HEPACAM: variants seen among roughly 807,000 people sequenced by gnomAD.
HEPACAM encodes hepatocyte cell adhesion molecule.
Under a neutral mutation model 38.3 loss-of-function variants are expected in HEPACAM, and 18 were observed. That is an observed-to-expected ratio of 0.47 (90% CI 0.33 to 0.70). HEPACAM has a LOEUF of 0.70. Ranked by LOEUF, HEPACAM falls within the 30% of genes least tolerant of loss-of-function variation. The pLI is 0.03. For missense variants in HEPACAM, 466 were observed against 563.0 expected, an observed-to-expected ratio of 0.83 and a Z score of 1.74; for synonymous variants, 216 against 243.1, an observed-to-expected ratio of 0.89 and a Z score of 1.04.
intron 1 of HEPACAM, among the ~76,000 whole-genome samples, chr11:124,935,043 A>T (rs1456462782): frequency 6.6e-6 from 1 of 151,310 alleles, no homozygotes; most frequent in Non-Finnish European, 1.5e-5. Flanking sequence ...ACCCACTTAT[A>T]CTCCTACCTT....
At chr11:124,923,561 G>A (rs1418020396) in intron 3 of HEPACAM, 128 bp from the exon 4 acceptor site, 4 of 1,097,674 alleles carry the variant, frequency 3.6e-6, no homozygotes, top group Non-Finnish European at 5.5e-6. Context: ...TGCTGGTGGT[G>A]GAGCTTGTAC....
At chr11:124,929,894 G>T (rs754453569) in intron 1 of HEPACAM, among the ~76,000 whole-genome samples, 2 of 152,046 alleles carry the variant, frequency 1.3e-5, no homozygotes, top group African/African-American at 4.8e-5. Flanking sequence ...GTTTCCTTTC[G>T]CCAGTATTTG....
At chr11:124,926,666 C>T (rs745310928) in intron 1 of HEPACAM, among the ~76,000 whole-genome samples, 5 of 152,106 alleles carry the variant, frequency 3.3e-5, no homozygotes, top group Non-Finnish European at 7.4e-5. Context: ...TCCCTCTGCA[C>T]CCCTTGCCGC....
intron 4 of HEPACAM, among the ~76,000 whole-genome samples, chr11:124,923,119 A>G (rs1030850522): frequency 1.3e-5 from 2 of 152,204 alleles, no homozygotes; most frequent in African/African-American, 2.4e-5. Flanking sequence ...CCTGGTCCCA[A>G]AAAAGGTGGT....
At position 124,924,073 on chromosome 11, in the gene HEPACAM, T is replaced by A; in HGVS notation, c.428-63A>T. 6.7e-7 allele frequency: 1 copy of A among 1,501,104 alleles called. No individual in the cohort carries two copies. Among genetic ancestry groups the A allele is most frequent in the South Asian group, 1.2e-5 (1 of 83,632 alleles). 93.0% of individuals were successfully genotyped at this position (1,501,104 alleles called of 1,614,324 possible). On this transcript the variant is annotated intron_variant, in intron 2 of 6. Transcript: ENST00000298251. This position sits in a 1 kb window ranked among gnomAD's most constrained non-coding sequence, Gnocchi z 4.4. ...CTAAGAAGTGTCTCCCTTCCCCTTT[T>A]TAGCTCCCTGCCTTCCAACACACCT...
intron 1 of HEPACAM, among the ~76,000 whole-genome samples, chr11:124,929,880 CAA>C (rs1343170968): frequency 6.6e-6 from 1 of 152,146 alleles, no homozygotes; most frequent in African/African-American, 2.4e-5. Context: ...TTTGCTGGGC[CAA>C]AGTTTCCTTT....
In HEPACAM at chr11:124,921,613, AT is replaced by A. The variant is rs1461094338; in HGVS notation, c.949-174del. 6.6e-6 allele frequency among the ~76,000 whole-genome samples: 1 copy of A among 152,190 alleles called. No homozygotes were observed. The highest frequency in any genetic ancestry group is 6.5e-5 in the Admixed American group (1 of 15,280). Reference sequence around the variant, plus strand: ...TTCCTGGCGATATTCCACACTGAGCATGGGGCCTCCTAGCACATAATAGGTG... The same window carrying A: ...TTCCTGGCGATATTCCACACTGAGCAGGGGCCTCCTAGCACATAATAGGTG... On this transcript the variant is annotated intron_variant, in intron 6 of 6. Coordinates refer to ENST00000298251, the MANE Select transcript of HEPACAM (RefSeq NM_152722.5). The surrounding 1 kb of genome is among the most constrained non-coding windows in gnomAD (Gnocchi z 4.6).
chr11:124,931,899 T>C (rs1449901498), intron 1 of HEPACAM, among the ~76,000 whole-genome samples: 5 of 152,368 alleles, frequency 3.3e-5, no homozygotes, highest in Admixed American at 3.3e-4. Context: ...ATTCATACAA[T>C]GGAATACTAT....
chr11:124,923,554 TG>T, intron 3 of HEPACAM, 121 bp from the exon 4 acceptor site: 1 of 1,096,058 alleles, frequency 9.1e-7, no homozygotes. Flanking sequence ...TGGCTGATGC[TG>T]GTGGTGGAGC....
chr11:124,932,477 A>C (rs1947291132), intron 1 of HEPACAM, among the ~76,000 whole-genome samples: 1 of 152,246 alleles, frequency 6.6e-6, no homozygotes, highest in African/African-American at 2.4e-5. Flanking sequence ...AAATTGGGAA[A>C]TAAAAATGAT....
At position 124,920,709 on chromosome 11, in the gene HEPACAM, A is replaced by AAAAAAG; in HGVS notation, c.*428_*429insCTTTTT. 1.0e-6 allele frequency: 1 copy of AAAAAAG among 1,004,126 alleles called. No homozygotes were observed. The highest frequency in any genetic ancestry group is 1.2e-6 in the Non-Finnish European group (1 of 843,288). The allele number at this position is 1,004,126 out of a possible 1,614,324, so 62.2% of individuals were successfully genotyped here. ...AAAAAAAAAAAAAAAAAAAAAAAAA[A>AAAAAAG]GTGCCCCAGCACTCAGGCATTTGTT... On this transcript the variant is annotated 3_prime_UTR_variant, in exon 7 of 7. Transcript: ENST00000298251.
At chr11:124,932,780 T>C (rs955790874) in intron 1 of HEPACAM, among the ~76,000 whole-genome samples, 3 of 152,182 alleles carry the variant, frequency 2.0e-5, no homozygotes, top group Non-Finnish European at 4.4e-5. Flanking sequence ...AGTCTTCCTT[T>C]TATGTTTCTC....
chr11:124,926,011 G>A (rs1385962012), intron 1 of HEPACAM, among the ~76,000 whole-genome samples: 1 of 152,118 alleles, frequency 6.6e-6, no homozygotes, highest in East Asian at 1.9e-4. Context: ...GACCAGCCTG[G>A]CCAACATGGC....
intron 5 of HEPACAM, 68 bp from the exon 6 acceptor site, chr11:124,922,526 T>C: frequency 1.3e-6 from 2 of 1,599,172 alleles, no homozygotes; most frequent in Non-Finnish European, 1.7e-6. Context: ...GCACCTACTC[T>C]CTGTGCTTCC....
At chr11:124,928,729 T>C (rs1234732281) in intron 1 of HEPACAM, among the ~76,000 whole-genome samples, 1 of 152,226 alleles carries the variant, frequency 6.6e-6, no homozygotes, top group Non-Finnish European at 1.5e-5. Flanking sequence ...GTCTCTTATC[T>C]GCCTATGACC....
intron 1 of HEPACAM, among the ~76,000 whole-genome samples, chr11:124,934,597 T>C (rs1947320490): frequency 6.6e-6 from 1 of 151,790 alleles, no homozygotes. Flanking sequence ...GAGAGAACCC[T>C]AAGGCAGAGC....
chr11:124,927,663 C>A (rs1947234952), intron 1 of HEPACAM, among the ~76,000 whole-genome samples: 1 of 152,070 alleles, frequency 6.6e-6, no homozygotes, highest in Non-Finnish European at 1.5e-5. Flanking sequence ...GCCATTCATA[C>A]CTGGCCTTAG....
At chr11:124,928,070 C>A (rs1368306704) in intron 1 of HEPACAM, among the ~76,000 whole-genome samples, 1 of 152,148 alleles carries the variant, frequency 6.6e-6, no homozygotes, top group Non-Finnish European at 1.5e-5. Context: ...TTTCTTCCCA[C>A]AAAATCTTAA....
In HEPACAM at chr11:124,925,085, C is replaced by T; in HGVS notation, c.86-16G>A. On this transcript the variant is annotated splice_polypyrimidine_tract_variant and intron_variant, in intron 1 of 6. Coordinates refer to ENST00000298251, the MANE Select transcript of HEPACAM (RefSeq NM_152722.5). ...TCCAGGGGGTCTGTGAACAGAGGCC[C>T]ATGAGGAAGAGGGAAGCATCAGGCC... 1 of 1,564,714 alleles carries T rather than the reference C, an allele frequency of 6.4e-7. No individual in the cohort carries two copies. Among genetic ancestry groups the T allele is most frequent in the Non-Finnish European group, 8.7e-7 (1 of 1,153,216 alleles).
Sources: gnomAD v4.1 joint callset for allele counts (sites outside exome capture counted in the v4.1 genomes callset) on GRCh38, gnomAD v4.1.1 for gene constraint, Gnocchi (gnomAD v3.1) non-coding constraint, MANE v1.5 for transcripts, NCBI Gene and HGNC (gene_info 2026-07-23, HGNC 2026-07-21) for gene names.